The following ATP10D variants were observed in gnomAD, a reference collection of about 807,000 sequenced individuals.
ATP10D encodes the protein phospholipid-transporting ATPase VD.
A neutral mutation model predicts 144.8 loss-of-function variants in ATP10D; 89 were observed. The ratio of observed to expected loss-of-function variants is 0.61; its 90% CI spans 0.52 to 0.73. The LOEUF (loss-of-function observed/expected upper bound fraction) is 0.73, where lower values mean the gene tolerates loss of function less well. ATP10D is among the 30% of genes least tolerant of loss of function. ATP10D has a pLI of 0.00. For synonymous variants in ATP10D, 571 were observed against 615.1 expected (o/e 0.93, Z 1.06); for missense variants, 1,603 against 1,714.8 (o/e 0.93, Z 1.15).
intron 2 of ATP10D, 133 bp from the exon 3 acceptor site, chr4:47,515,343 C>A: frequency 1.6e-6 from 1 of 641,672 alleles, no homozygotes; most frequent in Non-Finnish European, 2.7e-6. Flanking sequence ...TCATTGTATT[C>A]TGCTAGTTCT....
In ATP10D at chr4:47,515,468, G is replaced by A; in HGVS notation, c.291-8G>A. On this transcript the variant is annotated splice_region_variant and splice_polypyrimidine_tract_variant and intron_variant, in intron 2 of 22. Coordinates refer to ENST00000273859, the MANE Select transcript of ATP10D (RefSeq NM_020453.4). ...CTTAACACCTCCCTTTGTGTGTTTGGGTTGCAGAGCTGCCAATTTATATTT... is the reference window on the plus strand; with the variant it reads ...CTTAACACCTCCCTTTGTGTGTTTGAGTTGCAGAGCTGCCAATTTATATTT... 6.2e-7 allele frequency: 1 copy of A among 1,606,166 alleles called. No individual in the cohort carries two copies.
chr4:47,537,113 A>G (rs1422804307), intron 9 of ATP10D, among the ~76,000 whole-genome samples, 175 bp downstream of exon 9: 1 of 152,192 alleles, frequency 6.6e-6, no homozygotes, highest in Non-Finnish European at 1.5e-5. Flanking sequence ...CTAGTAGGTT[A>G]AAGTCAAGGA....
In ATP10D at chr4:47,525,602, GA is replaced by G. The variant is rs1717199190; in HGVS notation, c.739del (p.Ser247AlafsTer13). 3 of 1,613,556 alleles carry G rather than the reference GA, an allele frequency of 1.9e-6. No individual in the cohort carries two copies. The highest frequency in any genetic ancestry group is 2.5e-6 in the Non-Finnish European group (3 of 1,179,664). On this transcript the variant is annotated frameshift_variant, in exon 5 of 23. Transcript: ENST00000273859. LOFTEE classifies it high-confidence loss of function. ...PEKFSSRIEC[E>X]SPNNDLSRFR... Reference sequence around the variant, plus strand: ...GAAGTTTTCCAGTAGGATAGAATGTGAAAGCCCAAACAATGACCTCAGCAGA... The same window carrying G: ...GAAGTTTTCCAGTAGGATAGAATGTGAAGCCCAAACAATGACCTCAGCAGA...
chr4:47,559,152 C>G (rs1577683679), intron 13 of ATP10D, 123 bp downstream of exon 13: 2 of 662,668 alleles, frequency 3.0e-6, no homozygotes, highest in East Asian at 5.6e-5. Context: ...GACACTGGCT[C>G]TCTTTTTACC....
At chr4:47,558,716 T>C (rs1347488838) in intron 12 of ATP10D, among the ~76,000 whole-genome samples, 1 of 152,232 alleles carries the variant, frequency 6.6e-6, no homozygotes, top group South Asian at 2.1e-4. Flanking sequence ...TTGTATCAGG[T>C]TCTTGTACTT....
In ATP10D at chr4:47,515,638, G is replaced by C. The variant is rs745848496; in HGVS notation, c.453G>C (p.Gln151His). ...EDYRKYKIDKQINNLITKVYS... is the reference protein window; with the variant it reads ...EDYRKYKIDKHINNLITKVYS... ...ATCGGAAATACAAAATTGACAAACA[G>C]ATCAATAATTTAATAACTAAAGTTT... The change falls in exon 3 of 23, where the codon CAG becomes CAC. Residue 151 changes from glutamine (Q) to histidine (H), a missense_variant. Gln to His is a conservative substitution (Grantham distance 24). Coordinates refer to ENST00000273859, the MANE Select transcript of ATP10D (RefSeq NM_020453.4). 9.9e-6 allele frequency: 16 copies of C among 1,610,650 alleles called. No homozygotes were observed. The highest frequency in any genetic ancestry group is 1.7e-5 in the Admixed American group (1 of 59,962).
intron 13 of ATP10D, 56 bp downstream of exon 13, chr4:47,559,085 C>T: frequency 7.1e-7 from 1 of 1,411,766 alleles, no homozygotes; most frequent in Non-Finnish European, 1.0e-6. Context: ...TTAGCTATCA[C>T]TGACTGAAAA....
intron 1 of ATP10D, among the ~76,000 whole-genome samples, chr4:47,504,282 C>CT (rs755401635): frequency 1.1e-4 from 16 of 152,028 alleles, no homozygotes; most frequent in Non-Finnish European, 2.2e-4. Flanking sequence ...GAAGAAAAAC[C>CT]TTTTTTTTGT....
chr4:47,575,195 A>G (rs1362132446), intron 18 of ATP10D, among the ~76,000 whole-genome samples: 4 of 152,120 alleles, frequency 2.6e-5, no homozygotes, highest in African/African-American at 9.7e-5. Flanking sequence ...GGAGGAAATA[A>G]TAATTCAGGG....
chr4:47,488,427 A>G (rs1714884112), intron 1 of ATP10D, among the ~76,000 whole-genome samples: 1 of 152,068 alleles, frequency 6.6e-6, no homozygotes, highest in Non-Finnish European at 1.5e-5. Flanking sequence ...TTTTGCATCA[A>G]TAGGCATATC....
rs1362139707 is a variant in ATP10D at position 47,569,104 on chromosome 4, A to C, written c.3121A>C (p.Lys1041Gln). The C allele has an allele frequency of 6.2e-7, 1 of 1,614,046 alleles. No homozygotes were observed. The highest frequency in any genetic ancestry group is 8.5e-7 in the Non-Finnish European group (1 of 1,180,006). Reference protein sequence around the residue: ...ATPLQKSEVVKLVRSHLQVMT... With the variant: ...ATPLQKSEVVQLVRSHLQVMT... ...ACCGCTGCAGAAAAGTGAAGTGGTG[A>C]AATTGGTCCGCAGCCATCTCCAGGT... The change falls in exon 16 of 23, where the codon AAA becomes CAA. Residue 1041 changes from lysine to glutamine, a missense_variant. Lys to Gln is a moderately conservative substitution (Grantham distance 53). Transcript: ENST00000273859.
At chr4:47,525,315 C>T (rs748093207) in intron 4 of ATP10D, among the ~76,000 whole-genome samples, 7 of 152,010 alleles carry the variant, frequency 4.6e-5, no homozygotes, top group African/African-American at 7.2e-5. Context: ...GTGTGGATTT[C>T]GGTAAATGAC....
At chr4:47,505,681 A>T (rs1251318953) in intron 1 of ATP10D, among the ~76,000 whole-genome samples, 1 of 151,990 alleles carries the variant, frequency 6.6e-6, no homozygotes. Flanking sequence ...GATTGCAGTG[A>T]GCTGAGATCG....
chr4:47,554,054 C>T (rs578114177), intron 10 of ATP10D, among the ~76,000 whole-genome samples: 2 of 152,328 alleles, frequency 1.3e-5, no homozygotes, highest in African/African-American at 2.4e-5. Flanking sequence ...CGTACTCTCA[C>T]GTGTGAGAAG....
rs768498124 is a variant in ATP10D, at chr4:47,546,869, A to G, written c.1635+7A>G. On this transcript the variant is annotated splice_region_variant and intron_variant, in intron 10 of 22. Coordinates refer to ENST00000273859, the MANE Select transcript of ATP10D (RefSeq NM_020453.4). ...TGCTTTCAGTAGCCCCATTGTAAGTATGAATGCATGACTAGAGTCTTGCAC... is the reference window on the plus strand; with the variant it reads ...TGCTTTCAGTAGCCCCATTGTAAGTGTGAATGCATGACTAGAGTCTTGCAC... The G allele has an allele frequency of 7.5e-6, 12 of 1,605,648 alleles. No individual in the cohort carries two copies. The highest frequency in any genetic ancestry group is 6.7e-5 in the African/African-American group (5 of 74,704).
chr4:47,549,273 G>T (rs939331008), intron 10 of ATP10D, among the ~76,000 whole-genome samples: 17 of 152,268 alleles, frequency 1.1e-4, no homozygotes, highest in African/African-American at 2.9e-4. Flanking sequence ...CTGTCATTGA[G>T]CCTCAGCTCA....
At chr4:47,535,134 A>T (rs189190167) in intron 5 of ATP10D, among the ~76,000 whole-genome samples, 3 of 152,070 alleles carry the variant, frequency 2.0e-5, no homozygotes, top group Non-Finnish European at 4.4e-5. Context: ...AGACACAAAG[A>T]TAAGAATAAT....
At chr4:47,502,386 C>T (rs1238832132) in intron 1 of ATP10D, among the ~76,000 whole-genome samples, 1 of 151,664 alleles carries the variant, frequency 6.6e-6, no homozygotes, top group African/African-American at 2.4e-5. Context: ...AGGAGAATGG[C>T]GTGAACCCAG....
intron 9 of ATP10D, 122 bp downstream of exon 9, chr4:47,537,060 G>A: frequency 8.7e-7 from 1 of 1,147,506 alleles, no homozygotes; most frequent in Non-Finnish European, 1.2e-6. Flanking sequence ...AGTACTTAAT[G>A]CTTCCAGATG....
Sources: allele counts gnomAD v4.1 joint callset (sites outside exome capture counted in the v4.1 genomes callset), GRCh38; gene constraint gnomAD v4.1.1; transcripts MANE v1.5; gene names NCBI Gene and HGNC (gene_info 2026-07-23, HGNC 2026-07-21).